Variants in NRXN1 observed in about 807,000 individuals in gnomAD.
NRXN1 encodes neurexin 1, also known as neurexin-1.
Under a neutral mutation model 150.9 loss-of-function variants are expected in NRXN1, and 39 were observed. The observed-to-expected ratio is 0.26, with a 90% confidence interval of 0.20 to 0.34. NRXN1 has a LOEUF of 0.34. Ranked by LOEUF, NRXN1 falls within the 10% of genes least tolerant of loss-of-function variation. The pLI is 1.00. For synonymous variants in NRXN1, 924 were observed against 757.0 expected (o/e 1.22, Z -3.62); for missense variants, 1,815 against 1,949.9 (o/e 0.93, Z 1.30).
At chr2:49,947,121 G>T (rs927419901) in intron 21 of NRXN1, among the ~76,000 whole-genome samples, 7 of 151,908 alleles carry the variant, frequency 4.6e-5, no homozygotes, top group Non-Finnish European at 1.0e-4. Context: ...TCAGCTTTTT[G>T]TTTTTTTCCC....
chr2:50,056,404 G>T (rs1019738842), intron 19 of NRXN1, among the ~76,000 whole-genome samples: 1 of 152,062 alleles, frequency 6.6e-6, no homozygotes. Context: ...CTATATGACT[G>T]AAAATATTTC....
chr2:50,920,315 T>C (rs1386660835), intron 5 of NRXN1, among the ~76,000 whole-genome samples: 2 of 151,662 alleles, frequency 1.3e-5, no homozygotes, highest in South Asian at 2.1e-4. Context: ...AAAAACTAAA[T>C]AAAGTTAAGT....
intron 17 of NRXN1, among the ~76,000 whole-genome samples, chr2:50,376,261 T>G (rs1042156080): frequency 2.0e-5 from 3 of 151,354 alleles, no homozygotes; most frequent in African/African-American, 7.3e-5. Context: ...AGAGAGAAAA[T>G]CAATTTTTAT....
At chr2:50,978,860 A>G (rs1696334628) in intron 2 of NRXN1, among the ~76,000 whole-genome samples, 1 of 152,108 alleles carries the variant, frequency 6.6e-6, no homozygotes, top group South Asian at 2.1e-4. Flanking sequence ...TTGTAGGACT[A>G]TAAGTAATGC....
intron 5 of NRXN1, among the ~76,000 whole-genome samples, chr2:50,873,807 G>T (rs1311661659): frequency 6.6e-6 from 1 of 151,750 alleles, no homozygotes; most frequent in Non-Finnish European, 1.5e-5. Flanking sequence ...CCAAGAGCTG[G>T]TCATTGGAGA....
At chr2:50,083,862 T>C (rs955648465) in intron 19 of NRXN1, among the ~76,000 whole-genome samples, 12 of 152,130 alleles carry the variant, frequency 7.9e-5, no homozygotes, top group African/African-American at 2.4e-4. Flanking sequence ...AGAGTGCTGA[T>C]TGGTGTATTC....
intron 16 of NRXN1, among the ~76,000 whole-genome samples, chr2:50,471,779 G>A (rs928163113): frequency 2.6e-5 from 4 of 151,636 alleles, no homozygotes; most frequent in African/African-American, 9.7e-5. Flanking sequence ...TAACTAATGC[G>A]TACTAGGCTT....
At chr2:50,289,076 C>G (rs1487597631) in intron 17 of NRXN1, among the ~76,000 whole-genome samples, 1 of 151,788 alleles carries the variant, frequency 6.6e-6, no homozygotes, top group Non-Finnish European at 1.5e-5. Context: ...AGATAGGGAA[C>G]GTATAAGGAG....
chr2:50,800,427 G>A (rs1020819188), intron 5 of NRXN1, among the ~76,000 whole-genome samples: 28 of 152,116 alleles, frequency 1.8e-4, no homozygotes, highest in African/African-American at 5.3e-4. Flanking sequence ...ATCTATGAGC[G>A]ATTATAGGAC....
intron 5 of NRXN1, among the ~76,000 whole-genome samples, chr2:50,814,904 G>A (rs1407949647): frequency 6.6e-6 from 1 of 152,060 alleles, no homozygotes; most frequent in South Asian, 2.1e-4. Flanking sequence ...GGGGAAGTAA[G>A]TTCTAGAAAA....
chr2:50,108,598 T>C (rs138485497), intron 18 of NRXN1, among the ~76,000 whole-genome samples: 96 of 152,116 alleles, frequency 6.3e-4, no homozygotes, highest in African/African-American at 2.1e-3. Context: ...AAAAGCAAAA[T>C]ACTAAGATAA....
chr2:49,985,392 A>G (rs1680734859), intron 21 of NRXN1, among the ~76,000 whole-genome samples: 1 of 152,172 alleles, frequency 6.6e-6, no homozygotes, highest in Admixed American at 6.6e-5. Flanking sequence ...GGCTTGGTAA[A>G]TACTATTCTT....
intron 22 of NRXN1, among the ~76,000 whole-genome samples, chr2:49,938,821 CTTG>C (rs995956296): frequency 3.9e-5 from 6 of 152,244 alleles, no homozygotes; most frequent in African/African-American, 1.4e-4. Flanking sequence ...CATTTAGGAT[CTTG>C]AATATCAACA....
At chr2:50,861,319 C>T (rs1219385318) in intron 5 of NRXN1, among the ~76,000 whole-genome samples, 1 of 152,010 alleles carries the variant, frequency 6.6e-6, no homozygotes, top group Non-Finnish European at 1.5e-5. Context: ...CTCAAGCCAT[C>T]CTCCCACCTC....
chr2:49,989,760 G>A (rs2152518714), intron 21 of NRXN1, among the ~76,000 whole-genome samples: 1 of 152,278 alleles, frequency 6.6e-6, no homozygotes, highest in South Asian at 2.1e-4. Context: ...GCAGACTAGA[G>A]TGAGAATAAA....
At chr2:50,973,426 A>C (rs1695329428) in intron 2 of NRXN1, among the ~76,000 whole-genome samples, 1 of 152,150 alleles carries the variant, frequency 6.6e-6, no homozygotes, top group Admixed American at 6.6e-5. Context: ...ATTTGTCTTA[A>C]AGATATCTCA....
intron 18 of NRXN1, among the ~76,000 whole-genome samples, chr2:50,130,003 G>T (rs896711387): frequency 6.6e-6 from 1 of 152,096 alleles, no homozygotes; most frequent in Non-Finnish European, 1.5e-5. Flanking sequence ...CAGACACTAT[G>T]ATCAGCACAT....
At chr2:50,080,956 C>A (rs1232330906) in intron 19 of NRXN1, among the ~76,000 whole-genome samples, 1 of 152,120 alleles carries the variant, frequency 6.6e-6, no homozygotes, top group Non-Finnish European at 1.5e-5. Flanking sequence ...CAAAGATCAC[C>A]TAGAGCAGAG....
intron 15 of NRXN1, among the ~76,000 whole-genome samples, chr2:50,478,059 A>G (rs904872511): frequency 2.6e-5 from 4 of 152,176 alleles, no homozygotes; most frequent in Non-Finnish European, 4.4e-5. Flanking sequence ...TTAATATTGT[A>G]TTGCACACAC....
Sources: allele counts gnomAD v4.1 joint callset (sites outside exome capture counted in the v4.1 genomes callset), GRCh38; gene constraint gnomAD v4.1.1; transcripts MANE v1.5; gene names NCBI Gene and HGNC (gene_info 2026-07-23, HGNC 2026-07-21).